IGF1R: variants seen among roughly 807,000 people sequenced by gnomAD.
The protein encoded by IGF1R is insulin-like growth factor 1 receptor.
A neutral mutation model predicts 144.6 loss-of-function variants in IGF1R; 44 were observed. That is an observed-to-expected ratio of 0.30 (90% CI 0.24 to 0.39). The LOEUF is 0.39. Among genes scored for constraint, IGF1R ranks in the 10% least tolerant of loss-of-function variants. The probability of loss-of-function intolerance (pLI) is 1.00; values close to 1 mark genes in which losing one functional copy is unlikely to be tolerated. For synonymous variants in IGF1R, 795 were observed against 722.8 expected (o/e 1.10, Z -1.60); for missense variants, 1,355 against 1,833.7 (o/e 0.74, Z 4.77).
chr15:98,912,995 GT>G, intron 7 of IGF1R, 48 bp from the exon 8 acceptor site: 1 of 1,331,266 alleles, frequency 7.5e-7, no homozygotes, highest in Non-Finnish European at 1.1e-6. Flanking sequence ...ATTTTTGAGG[GT>G]TTTGATGTCA....
chr15:98,923,466 C>A (rs2015576755), intron 11 of IGF1R, among the ~76,000 whole-genome samples: 1 of 152,250 alleles, frequency 6.6e-6, no homozygotes, highest in Non-Finnish European at 1.5e-5. Context: ...AGCATCTTTC[C>A]AGGGCTGCTT....
chr15:98,666,546 T>G (rs2052742874), intron 1 of IGF1R, among the ~76,000 whole-genome samples: 1 of 152,208 alleles, frequency 6.6e-6, no homozygotes, highest in Non-Finnish European at 1.5e-5. Flanking sequence ...GGAATATCAT[T>G]GAGCCTTAAA....
At chr15:98,691,456 C>T (rs540440698) in intron 1 of IGF1R, among the ~76,000 whole-genome samples, 2 of 151,814 alleles carry the variant, frequency 1.3e-5, no homozygotes, top group Admixed American at 1.3e-4. Context: ...TTCTGCCTCC[C>T]AGGTTCAAGC....
intron 3 of IGF1R, among the ~76,000 whole-genome samples, chr15:98,894,658 A>G (rs1167700272): frequency 2.0e-5 from 3 of 152,168 alleles, no homozygotes; most frequent in Non-Finnish European, 2.9e-5. Context: ...GATCCCAGCA[A>G]TTTGGGAGGC....
At chr15:98,847,634 C>T (rs1342720566) in intron 2 of IGF1R, among the ~76,000 whole-genome samples, 1 of 152,198 alleles carries the variant, frequency 6.6e-6, no homozygotes, top group Non-Finnish European at 1.5e-5. Flanking sequence ...AATTCGATGA[C>T]ATTAACCTTT....
At chr15:98,664,092 C>T (rs2052666558) in intron 1 of IGF1R, among the ~76,000 whole-genome samples, 1 of 152,170 alleles carries the variant, frequency 6.6e-6, no homozygotes, top group South Asian at 2.1e-4. Flanking sequence ...AGGGTGGTAT[C>T]ATTTGGCCTG....
chr15:98,929,055 CTATT>C (rs1053255352), intron 13 of IGF1R, among the ~76,000 whole-genome samples: 1 of 152,126 alleles, frequency 6.6e-6, no homozygotes, highest in Admixed American at 6.5e-5. Flanking sequence ...AATTTTCATT[CTATT>C]TATTAGAAAT....
intron 2 of IGF1R, among the ~76,000 whole-genome samples, chr15:98,713,464 G>T (rs546985643): frequency 3.9e-5 from 6 of 152,192 alleles, no homozygotes; most frequent in Non-Finnish European, 8.8e-5. Context: ...GCAACTCTTA[G>T]TTGGCAGAGA....
rs539454786 is a variant in IGF1R, at chr15:98,964,290, C to G, written c.*6848C>G. On this transcript the variant is annotated 3_prime_UTR_variant, in exon 21 of 21. Coordinates refer to ENST00000650285, the MANE Select transcript of IGF1R (RefSeq NM_000875.5). The stretch of plus-strand genomic sequence containing the variant: ...AATGACTTTCTGTGTATAAATTATT[C>G]CTAAAAAATCCTGTTTATATAAAAA... The G allele has an allele frequency of 5.2e-5, 12 of 231,794 alleles. No homozygotes were observed. Among genetic ancestry groups the G allele is most frequent in the Admixed American group, 2.3e-4 (4 of 17,712 alleles). The allele number at this position is 231,794 out of a possible 1,614,324, so 14.4% of individuals were successfully genotyped here.
chr15:98,942,794 C>A, intron 18 of IGF1R, 129 bp from the exon 19 acceptor site: 2 of 1,194,828 alleles, frequency 1.7e-6, no homozygotes, highest in South Asian at 2.5e-5. Flanking sequence ...AATATTTGGC[C>A]ACCTTAAAGT....
At chr15:98,950,915 G>T (rs1272234901) in intron 20 of IGF1R, among the ~76,000 whole-genome samples, 1 of 152,194 alleles carries the variant, frequency 6.6e-6, no homozygotes, top group Non-Finnish European at 1.5e-5. Context: ...AAAGCACTTT[G>T]AGTGTTGCTA....
At chr15:98,807,351 C>CT (rs1484482834) in intron 2 of IGF1R, among the ~76,000 whole-genome samples, 1 of 152,154 alleles carries the variant, frequency 6.6e-6, no homozygotes, top group African/African-American at 2.4e-5. Context: ...CTTTCTTTTG[C>CT]TTGGATGTTG....
At position 98,704,912 on chromosome 15, in the gene IGF1R, G is replaced by C. The variant is rs961432061; in HGVS notation, c.95-2650G>C. ...ACTAGATATGTGAGGTGTGAGAGGA[G>C]AGAAGAATCAGGAATGACTCTTTGA... On this transcript the variant is annotated intron_variant, in intron 1 of 20. Coordinates refer to ENST00000650285, the MANE Select transcript of IGF1R (RefSeq NM_000875.5). The surrounding 1 kb of genome is among the most constrained non-coding windows in gnomAD (Gnocchi z 4.9). Among the ~76,000 whole-genome samples, 2 of 152,138 alleles carry C rather than the reference G, an allele frequency of 1.3e-5. No homozygotes were observed. Among genetic ancestry groups the C allele is most frequent in the African/African-American group, 4.8e-5 (2 of 41,418 alleles).
chr15:98,793,207 TC>T (rs1254086411), intron 2 of IGF1R, among the ~76,000 whole-genome samples: 1 of 152,218 alleles, frequency 6.6e-6, no homozygotes, highest in Non-Finnish European at 1.5e-5. Flanking sequence ...ATTCAACAGA[TC>T]CAGTTGTTGT....
chr15:98,869,513 G>A (rs932900364), intron 2 of IGF1R, among the ~76,000 whole-genome samples: 7 of 147,676 alleles, frequency 4.7e-5, no homozygotes, highest in Admixed American at 4.2e-4. Flanking sequence ...CCGGCTCACC[G>A]CAACCTCCAC....
At chr15:98,896,929 A>G in intron 4 of IGF1R, 24 bp downstream of exon 4, 1 of 1,612,786 alleles carries the variant, frequency 6.2e-7, no homozygotes, top group Non-Finnish European at 8.5e-7. Flanking sequence ...CCCCCTGGAA[A>G]AACGGCTAGA....
At chr15:98,888,949 C>T (rs1376898920) in intron 2 of IGF1R, among the ~76,000 whole-genome samples, 1 of 152,154 alleles carries the variant, frequency 6.6e-6, no homozygotes, top group African/African-American at 2.4e-5. Flanking sequence ...TACTTGAGCT[C>T]CAAGCATTAC....
chr15:98,868,201 T>C (rs920019530), intron 2 of IGF1R, among the ~76,000 whole-genome samples: 23 of 151,126 alleles, frequency 1.5e-4, no homozygotes, highest in African/African-American at 5.4e-4. Context: ...CAAAAAAAAA[T>C]CAGAGCGTGG....
At chr15:98,837,239 G>GTT (rs1331841783) in intron 2 of IGF1R, among the ~76,000 whole-genome samples, 2 of 151,920 alleles carry the variant, frequency 1.3e-5, no homozygotes, top group Non-Finnish European at 2.9e-5. Context: ...CACCAGTTTT[G>GTT]TTTGTTTGTT....
Sources: gnomAD v4.1 joint callset for allele counts (sites outside exome capture counted in the v4.1 genomes callset) on GRCh38, gnomAD v4.1.1 for gene constraint, Gnocchi (gnomAD v3.1) non-coding constraint, MANE v1.5 for transcripts, NCBI Gene and HGNC (gene_info 2026-07-23, HGNC 2026-07-21) for gene names.